Variants in CASP4 observed in about 807,000 individuals in gnomAD.
CASP4 encodes the protein caspase-4.
CASP4 carries 29 observed loss-of-function variants against 41.3 expected under a neutral mutation model. The ratio of observed to expected loss-of-function variants is 0.70; its 90% confidence interval spans 0.52 to 0.96. The LOEUF (loss-of-function observed/expected upper bound fraction) is 0.96. Among genes scored for constraint, CASP4 ranks in the 40% least tolerant of loss-of-function variants. CASP4 has a pLI of 0.00. For synonymous variants in CASP4, 185 were observed against 158.4 expected (o/e 1.17, Z -1.26); for missense variants, 447 against 460.6 (o/e 0.97, Z 0.27).
At chr11:104,964,578 C>T (rs1053995968) in intron 1 of CASP4, among the ~76,000 whole-genome samples, 1 of 152,058 alleles carries the variant, frequency 6.6e-6, no homozygotes, top group Admixed American at 6.5e-5. Context: ...GTTATTTTAC[C>T]AAGGCTTTGA....
rs140509533 is a variant in CASP4, at chr11:104,949,559, G to A, written c.765C>T (p.Val255=). The A allele has an allele frequency of 6.2e-7, 1 of 1,613,752 alleles. No homozygotes were observed. Among genetic ancestry groups the A allele is most frequent in the African/African-American group, 1.3e-5 (1 of 74,898 alleles). The stretch of plus-strand genomic sequence containing the variant: ...AGCACTCACCACCTCTGCAGGCCTG[G>A]ACAATGATGACCTTGGGTTTGTCCT... ...SLKDKPKVII[V]QACRGANRGE... Residue 255 remains valine (V), a synonymous_variant, in exon 5 of 9, where the codon GTC becomes GTT. Coordinates refer to ENST00000444739, the MANE Select transcript of CASP4 (RefSeq NM_001225.4).
Position 104,954,773 on chromosome 11 carries a change from A to G in CASP4, c.236T>C (p.Ile79Thr), listed in dbSNP as rs1383831902. ...TTTTTTATTGGGGGATATTTGGTCT[A>G]TGTTAAAAAAGGTTTGAAGAAGCAT... ...GQMLLQTFFNIDQISPNKKAH... is the reference protein window; with the variant it reads ...GQMLLQTFFNTDQISPNKKAH... The change falls in exon 2 of 9, where the codon ATA becomes ACA. Residue 79 changes from isoleucine to threonine, a missense_variant. By Grantham distance (89) the Ile-to-Thr change is moderately conservative. Transcript: ENST00000444739. 2.5e-6 allele frequency: 4 copies of G among 1,613,468 alleles called. No homozygotes were observed. The highest frequency in any genetic ancestry group is 3.4e-6 in the Non-Finnish European group (4 of 1,179,598).
At position 104,951,047 on chromosome 11, in the gene CASP4, A is replaced by T; in HGVS notation, c.424T>A (p.Cys142Ser). Residue 142 changes from cysteine (C) to serine (S), a missense_variant, in exon 4 of 9, where the codon TGC becomes AGC. Physicochemically the swap from Cys to Ser is moderately radical, Grantham distance 112. Transcript: ENST00000444739. ...NNRTRLALII[C>S]NTEFDHLPPR... ...GGCAGATGGTCAAACTCTGTATTGC[A>T]TATGATGAGAGCCAGGCGTGTGCGG... 6.2e-7 allele frequency: 1 copy of T among 1,613,436 alleles called. No homozygotes were observed. Among genetic ancestry groups the T allele is most frequent in the Non-Finnish European group, 8.5e-7 (1 of 1,179,562 alleles).
chr11:104,958,724 GT>G (rs1249545013), intron 1 of CASP4, among the ~76,000 whole-genome samples: 1 of 152,114 alleles, frequency 6.6e-6, no homozygotes, highest in Non-Finnish European at 1.5e-5. Flanking sequence ...ACTTTGTGAG[GT>G]TAAGGCGGGC....
chr11:104,944,716 T>G, intron 8 of CASP4, 32 bp downstream of exon 8: 1 of 1,353,200 alleles, frequency 7.4e-7, no homozygotes, highest in Non-Finnish European at 1.1e-6. Flanking sequence ...CTTATTTATT[T>G]CACATACCAC....
In CASP4 at chr11:104,951,882, A is replaced by G. The variant is rs759133013; in HGVS notation, c.372+14T>C. 4 of 1,510,942 alleles carry G rather than the reference A, an allele frequency of 2.6e-6. No individual in the cohort carries two copies. In the South Asian group the frequency reaches 4.5e-5, roughly 17 times the overall value. 93.6% of individuals were successfully genotyped at this position (1,510,942 alleles called of 1,614,324 possible). On this transcript the variant is annotated intron_variant, in intron 3 of 8. Transcript: ENST00000444739. ...CTCTTCTTTTTTTTCTATTTCATATAGATAGCATAGCACCTCTTCAGCTCT... is the reference window on the plus strand; with the variant it reads ...CTCTTCTTTTTTTTCTATTTCATATGGATAGCATAGCACCTCTTCAGCTCT...
rs372641770 is a variant in CASP4, at chr11:104,964,009, G to C, written c.7+4510C>G. 2.0e-5 allele frequency among the ~76,000 whole-genome samples: 3 copies of C among 152,140 alleles called. No homozygotes were observed. The East Asian group carries it at 5.8e-4, about 29-fold the overall frequency. On this transcript the variant is annotated intron_variant, in intron 1 of 8. Transcript: ENST00000444739. ...CTTACAAGTGCTGAATTTTCTGTCT[G>C]TCTGTGTATTTATATAAACTTCTAT...
intron 7 of CASP4, among the ~76,000 whole-genome samples, chr11:104,945,348 G>A (rs1271955637): frequency 1.3e-5 from 2 of 151,506 alleles, no homozygotes; most frequent in African/African-American, 2.4e-5. Flanking sequence ...CGCCTCCAGA[G>A]TTCAAGCAAT....
intron 3 of CASP4, 65 bp downstream of exon 3, chr11:104,951,830 TG>T (rs1213320868): frequency 9.9e-7 from 1 of 1,014,582 alleles, no homozygotes; most frequent in Admixed American, 1.7e-5. Context: ...CTGTAAGAAA[TG>T]GTGCACTGAA....
intron 1 of CASP4, among the ~76,000 whole-genome samples, chr11:104,961,230 G>A (rs1046562617): frequency 3.3e-5 from 5 of 152,196 alleles, no homozygotes; most frequent in South Asian, 2.1e-4. Flanking sequence ...TAATTGCAAC[G>A]GAGAAATAAT....
At chr11:104,951,754 A>G in intron 3 of CASP4, 142 bp downstream of exon 3, 1 of 695,276 alleles carries the variant, frequency 1.4e-6, no homozygotes, top group Non-Finnish European at 2.6e-6. Flanking sequence ...AAGTCACATA[A>G]TCTTTCCCTT....
intron 7 of CASP4, 114 bp downstream of exon 7, chr11:104,946,969 G>T: frequency 1.4e-6 from 1 of 700,628 alleles, no homozygotes; most frequent in Non-Finnish European, 2.6e-6. Context: ...GACAGAAACT[G>T]GGTACCTCTC....
At chr11:104,949,007 G>A (rs1860538631) in intron 5 of CASP4, 1 of 202,106 alleles carries the variant, frequency 4.9e-6, no homozygotes, top group Non-Finnish European at 1.0e-5. Flanking sequence ...TCCTGTCTTG[G>A]CCTCCCAAAG....
At chr11:104,960,422 A>C (rs1482910370) in intron 1 of CASP4, among the ~76,000 whole-genome samples, 1 of 152,030 alleles carries the variant, frequency 6.6e-6, no homozygotes, top group Non-Finnish European at 1.5e-5. Flanking sequence ...CTCCTAGGGC[A>C]CCTTGTATCT....
intron 1 of CASP4, among the ~76,000 whole-genome samples, chr11:104,967,235 C>G (rs1860994346): frequency 6.6e-6 from 1 of 152,140 alleles, no homozygotes; most frequent in Non-Finnish European, 1.5e-5. Context: ...TCAATTTACC[C>G]TATCTTTATC....
intron 1 of CASP4, among the ~76,000 whole-genome samples, chr11:104,959,033 C>T (rs188028847): frequency 6.7e-6 from 1 of 148,754 alleles, no homozygotes; most frequent in African/African-American, 2.5e-5. Context: ...GGAGACACCT[C>T]TGAAAGTTAA....
rs535933119 is a variant in CASP4 at position 104,964,807 on chromosome 11, G to A, written c.7+3712C>T. Among the ~76,000 whole-genome samples, 15 of 152,276 alleles carry A rather than the reference G, an allele frequency of 9.9e-5. No homozygotes were observed. In the South Asian group the frequency reaches 2.9e-3, roughly 29 times the overall value. On this transcript the variant is annotated intron_variant, in intron 1 of 8. Coordinates refer to ENST00000444739, the MANE Select transcript of CASP4 (RefSeq NM_001225.4). Reference sequence around the variant, plus strand: ...ATTTACCCAACTCATAGGTATTTAAGGGTACAAATGCATGGCTGGGATTGG... The same window carrying A: ...ATTTACCCAACTCATAGGTATTTAAAGGTACAAATGCATGGCTGGGATTGG...
chr11:104,955,101 A>C (rs1454985087), intron 1 of CASP4, 100 bp from the exon 2 acceptor site: 1 of 1,161,010 alleles, frequency 8.6e-7, no homozygotes, highest in African/African-American at 1.5e-5. Flanking sequence ...TTCTGAAAGT[A>C]TGTCCTACTT....
chr11:104,948,909 T>C lies in CASP4; in HGVS notation c.782-233A>G, dbSNP rs532236307. 6.8e-5 allele frequency: 23 copies of C among 340,672 alleles called. No individual in the cohort carries two copies. The East Asian group carries it at 9.4e-4, about 14-fold the overall frequency. 21.1% of individuals were successfully genotyped at this position (340,672 alleles called of 1,614,324 possible). On this transcript the variant is annotated intron_variant, in intron 5 of 8. Coordinates refer to ENST00000444739, the MANE Select transcript of CASP4 (RefSeq NM_001225.4). ...GTGAAATCATCTTGAATTTACCATT[T>C]TCTAGAAAAAAAATCTGTTTTCTTT... is the stretch of plus-strand genomic sequence containing the variant.
Sources: allele counts gnomAD v4.1 joint callset (sites outside exome capture counted in the v4.1 genomes callset), GRCh38; gene constraint gnomAD v4.1.1; transcripts MANE v1.5; gene names NCBI Gene and HGNC (gene_info 2026-07-23, HGNC 2026-07-21).